GRIP1: variants seen among roughly 807,000 people sequenced by gnomAD.
The protein encoded by GRIP1 is glutamate receptor interacting protein 1.
GRIP1 carries 45 observed loss-of-function variants against 129.9 expected under a neutral mutation model. That is an observed-to-expected ratio of 0.35 (90% CI 0.27 to 0.44). The LOEUF is 0.44. Ranked by LOEUF, GRIP1 falls within the 20% of genes least tolerant of loss-of-function variation. The pLI, the probability that GRIP1 is intolerant of heterozygous loss-of-function variation, is 1.00. For synonymous variants in GRIP1, 530 were observed against 520.8 expected, an observed-to-expected ratio of 1.02 and a Z score of -0.24; for missense variants, 1,196 against 1,396.8, an observed-to-expected ratio of 0.86 and a Z score of 2.29.
chr12:66,540,066 C>G (rs908943069), intron 3 of GRIP1, among the ~76,000 whole-genome samples: 9 of 152,232 alleles, frequency 5.9e-5, no homozygotes, highest in Non-Finnish European at 1.2e-4. Context: ...CTGCTCCAGT[C>G]TGCAGTACAT....
At chr12:66,690,001 T>C (rs2136310627) in intron 1 of GRIP1, among the ~76,000 whole-genome samples, 1 of 152,194 alleles carries the variant, frequency 6.6e-6, no homozygotes, top group South Asian at 2.1e-4. Context: ...TTGCTGTAGC[T>C]TCAGCCTCCA....
At chr12:66,661,960 C>T (rs2033535888) in intron 1 of GRIP1, among the ~76,000 whole-genome samples, 7 of 152,068 alleles carry the variant, frequency 4.6e-5, no homozygotes, top group Admixed American at 4.6e-4. Flanking sequence ...GAACAAAGGT[C>T]TTTTCCTTCT....
chr12:66,805,144 A>G (rs1438446019), upstream of GRIP1, among the ~76,000 whole-genome samples: 2 of 152,200 alleles, frequency 1.3e-5, no homozygotes, highest in Admixed American at 6.5e-5. Flanking sequence ...ACCTAGCTCA[A>G]TTGTTACATT....
intron 1 of GRIP1, among the ~76,000 whole-genome samples, chr12:67,005,359 T>C (rs2042611454): frequency 6.6e-6 from 1 of 152,028 alleles, no homozygotes; most frequent in Non-Finnish European, 1.5e-5. Context: ...ACTACGCCAC[T>C]AGCAAATTTC....
At chr12:66,881,245 C>A (rs1373140090) in intron 1 of GRIP1, among the ~76,000 whole-genome samples, 1 of 151,942 alleles carries the variant, frequency 6.6e-6, no homozygotes, top group African/African-American at 2.4e-5. Context: ...CAGTGTAGAG[C>A]TTCCTTTTTT....
chr12:66,392,658 C>T lies in GRIP1; in HGVS notation c.2269+19G>A, dbSNP rs1196378237. The T allele has an allele frequency of 4.3e-6, 7 of 1,613,318 alleles. No individual in the cohort carries two copies. The highest frequency in any genetic ancestry group is 2.2e-5 in the East Asian group (1 of 44,890). On this transcript the variant is annotated intron_variant, in intron 18 of 24. Coordinates refer to ENST00000359742, the MANE Select transcript of GRIP1 (RefSeq NM_001366722.1). Reference sequence around the variant, plus strand: ...ATGCACTGGAAATCCTTAATTGTGGCTTTCAATTCACTACTCACCATCTGT... The same window carrying T: ...ATGCACTGGAAATCCTTAATTGTGGTTTTCAATTCACTACTCACCATCTGT...
At chr12:66,772,942 C>CA (rs1289015695) in intron 1 of GRIP1, among the ~76,000 whole-genome samples, 1 of 152,148 alleles carries the variant, frequency 6.6e-6, no homozygotes, top group African/African-American at 2.4e-5. Context: ...AACCTTCCCC[C>CA]AAATGTGGCA....
At chr12:66,364,892 G>A (rs2055041964) in intron 23 of GRIP1, among the ~76,000 whole-genome samples, 3 of 151,864 alleles carry the variant, frequency 2.0e-5, no homozygotes, top group South Asian at 4.2e-4. Context: ...ACCCTCTCTG[G>A]AAAAAGCACA....
chr12:66,542,203 T>C (rs537588658), intron 2 of GRIP1, among the ~76,000 whole-genome samples: 1 of 152,302 alleles, frequency 6.6e-6, no homozygotes, highest in Non-Finnish European at 1.5e-5. Context: ...AATTGTCTTA[T>C]GTACAAATAA....
At chr12:66,551,280 T>C (rs1044862372) in intron 2 of GRIP1, among the ~76,000 whole-genome samples, 8 of 152,324 alleles carry the variant, frequency 5.3e-5, no homozygotes, top group African/African-American at 1.9e-4. Flanking sequence ...GAGACAAACA[T>C]CTAATAATTG....
intron 8 of GRIP1, among the ~76,000 whole-genome samples, chr12:66,464,158 C>T (rs73137547): frequency 0.2 from 30,997 of 152,100 alleles, 3,381 homozygotes; most frequent in African/African-American, 0.24. Context: ...GAATAGTCTA[C>T]GTCTCAAGAC....
intron 1 of GRIP1, among the ~76,000 whole-genome samples, chr12:66,811,925 G>A (rs1252416499): frequency 6.6e-6 from 1 of 151,960 alleles, no homozygotes; most frequent in Admixed American, 6.6e-5. Context: ...GTCTCTAAAT[G>A]CATTGCCATG....
intron 1 of GRIP1, among the ~76,000 whole-genome samples, chr12:66,643,051 C>A (rs1025159425): frequency 2.0e-5 from 3 of 152,100 alleles, no homozygotes; most frequent in African/African-American, 7.2e-5. Context: ...AAAATAAACA[C>A]AGATACCAAT....
chr12:67,030,481 G>A (rs1191143971), intron 1 of GRIP1, among the ~76,000 whole-genome samples: 1 of 151,882 alleles, frequency 6.6e-6, no homozygotes, highest in Non-Finnish European at 1.5e-5. Context: ...ACTTAACACG[G>A]CTTTTTATTG....
chr12:66,367,943 C>A (rs2055246151), intron 23 of GRIP1, among the ~76,000 whole-genome samples: 2 of 152,194 alleles, frequency 1.3e-5, no homozygotes, highest in Non-Finnish European at 2.9e-5. Flanking sequence ...CAGTGTCAGG[C>A]ATGACAACTG....
At chr12:66,462,901 T>C (rs747495702) in intron 9 of GRIP1, 23 bp downstream of exon 9, 5 of 1,603,158 alleles carry the variant, frequency 3.1e-6, no homozygotes, top group South Asian at 2.2e-5. Flanking sequence ...GAGAAAGAGC[T>C]TGATCCAGGT....
chr12:66,558,825 T>C (rs1044473751), intron 2 of GRIP1, among the ~76,000 whole-genome samples: 3 of 152,008 alleles, frequency 2.0e-5, no homozygotes, highest in African/African-American at 7.2e-5. Context: ...CAGAACTCAC[T>C]CTACAAGGCC....
chr12:66,883,767 A>G lies in GRIP1; in HGVS notation c.58+185283T>C, dbSNP rs752676982. ...GACATCCCCGTTTGGACACTATACT[A>G]CATAGTGGAGAAGAGGGCAGATCGG... On this transcript the variant is annotated intron_variant, in intron 1 of 1. Coordinates refer to the GRIP1 transcript ENST00000643019. Among the ~76,000 whole-genome samples, 67 of 152,240 alleles carry G rather than the reference A, an allele frequency of 4.4e-4. 2 individuals carry two copies. The highest frequency in any genetic ancestry group is 2.6e-4 in the Non-Finnish European group (18 of 68,040).
At chr12:66,585,164 C>G (rs2063575250) in intron 2 of GRIP1, among the ~76,000 whole-genome samples, 1 of 148,186 alleles carries the variant, frequency 6.7e-6, no homozygotes, top group Non-Finnish European at 1.5e-5. Context: ...AGGTTAGTTA[C>G]ATATGTATAC....
Sources: allele counts gnomAD v4.1 joint callset (sites outside exome capture counted in the v4.1 genomes callset), GRCh38; gene constraint gnomAD v4.1.1; transcripts MANE v1.5; gene names NCBI Gene and HGNC (gene_info 2026-07-23, HGNC 2026-07-21).